ASB13: variants seen among roughly 807,000 people sequenced by gnomAD.
ASB13 encodes the protein ankyrin repeat and SOCS box protein 13.
Under a neutral mutation model 28.8 loss-of-function variants are expected in ASB13, and 33 were observed. The ratio of observed to expected loss-of-function variants is 1.15; its 90% CI spans 0.87 to 1.53. The LOEUF (loss-of-function observed/expected upper bound fraction) is 1.53, where lower values mean the gene tolerates loss of function less well. ASB13 is among the 40% of genes most tolerant of loss of function. ASB13 has a pLI of 0.00. For synonymous variants in ASB13, 182 were observed against 172.9 expected (o/e 1.05, Z -0.41); for missense variants, 414 against 390.1 (o/e 1.06, Z -0.52).
Position 5,640,482 on chromosome 10 carries a change from G to A in ASB13, c.*221C>T. On this transcript the variant is annotated 3_prime_UTR_variant, in exon 6 of 6. Coordinates refer to ENST00000357700, the MANE Select transcript of ASB13 (RefSeq NM_024701.4). ...GGGTAGGTTCTGTAGAACAGCGCAGGGCCACACCCACAACTGTGACCTGAG... is the reference window on the plus strand; with the variant it reads ...GGGTAGGTTCTGTAGAACAGCGCAGAGCCACACCCACAACTGTGACCTGAG... 1.8e-6 allele frequency: 1 copy of A among 563,932 alleles called. No homozygotes were observed. The allele number at this position is 563,932 out of a possible 1,614,324, so 34.9% of individuals were successfully genotyped here.
At position 5,641,746 on chromosome 10, in the gene ASB13, G is replaced by A; in HGVS notation, c.709+24C>T. ...CCAGGCTGAAGGCTGGAGGGGATGG[G>A]GTGCGCTCGGTGGGGTGTCTCACTT... On this transcript the variant is annotated intron_variant, in intron 5 of 5. Transcript: ENST00000357700. This position sits in a 1 kb window ranked among gnomAD's most constrained non-coding sequence, Gnocchi z 8.4. 1 of 1,547,528 alleles carries A rather than the reference G, an allele frequency of 6.5e-7. No homozygotes were observed. The highest frequency in any genetic ancestry group is 1.4e-5 in the African/African-American group (1 of 73,976).
At chr10:5,654,510 C>A (rs2131452530) in intron 1 of ASB13, among the ~76,000 whole-genome samples, 1 of 152,326 alleles carries the variant, frequency 6.6e-6, no homozygotes, top group South Asian at 2.1e-4. Flanking sequence ...CAGGTGCAGA[C>A]AAAAGCTCGC....
At position 5,644,510 on chromosome 10, in the gene ASB13, A is replaced by T. The variant is rs7899908; in HGVS notation, c.518-2549T>A. Among the ~76,000 whole-genome samples, 38,546 of 149,548 alleles carry T rather than the reference A, an allele frequency of 0.26. 5,678 individuals carry two copies. The highest frequency in any genetic ancestry group is 0.52 in the East Asian group (2,652 of 5,062). On this transcript the variant is annotated intron_variant, in intron 4 of 5. Transcript: ENST00000357700. This position sits in a 1 kb window ranked among gnomAD's most constrained non-coding sequence, Gnocchi z 5.1. ...GGCCCATAGTGAGAAAGAGAACATA[A>T]ACAGGTACTCGTTAGAGGAAAACAG... is the stretch of plus-strand genomic sequence containing the variant.
At chr10:5,666,092 G>C (rs1048289605) in intron 1 of ASB13, among the ~76,000 whole-genome samples, 2 of 152,182 alleles carry the variant, frequency 1.3e-5, no homozygotes, top group South Asian at 2.1e-4. Flanking sequence ...GCCAGTGGAG[G>C]GGGGTTTAGC....
At position 5,651,394 on chromosome 10, in the gene ASB13, G is replaced by A. The variant is rs571363727; in HGVS notation, c.232-31C>T. On this transcript the variant is annotated intron_variant, in intron 2 of 5. Transcript: ENST00000357700. This position sits in a 1 kb window ranked among gnomAD's most constrained non-coding sequence, Gnocchi z 5.1. ...GGGAGGAAGAAACAAGTGTCAAAGG[G>A]CAGAGAAATGCCACGCAACCCACTT... 1.4e-5 allele frequency: 21 copies of A among 1,549,798 alleles called. No individual in the cohort carries two copies. Among genetic ancestry groups the A allele is most frequent in the Non-Finnish European group, 1.8e-5 (21 of 1,142,958 alleles).
In ASB13 at chr10:5,640,633, C is replaced by G. The variant is rs1041703046; in HGVS notation, c.*70G>C. ...CAGCAATCACGCTGCTTCAGAGGAA[C>G]AGGCAGAGCCCTCACCCGGGCAATG... On this transcript the variant is annotated 3_prime_UTR_variant, in exon 6 of 6. Transcript: ENST00000357700. 1.3e-6 allele frequency: 2 copies of G among 1,592,954 alleles called. No homozygotes were observed. The highest frequency in any genetic ancestry group is 1.7e-5 in the Admixed American group (1 of 59,448).
rs1438409996 is a variant in ASB13, at chr10:5,642,519, C to T, written c.518-558G>A. 1 of 1,245,248 alleles carries T rather than the reference C, an allele frequency of 8.0e-7. No homozygotes were observed. Among genetic ancestry groups the T allele is most frequent in the Non-Finnish European group, 1.0e-6 (1 of 976,074 alleles). 77.1% of individuals were successfully genotyped at this position (1,245,248 alleles called of 1,614,324 possible). ...AGAAGAGAGTAAGCTCTGCACTCCTCAACTTTCTCACGATAAGAGCAGACA... is the reference window on the plus strand; with the variant it reads ...AGAAGAGAGTAAGCTCTGCACTCCTTAACTTTCTCACGATAAGAGCAGACA... On this transcript the variant is annotated intron_variant, in intron 4 of 5. Transcript: ENST00000357700. The surrounding 1 kb of genome is among the most constrained non-coding windows in gnomAD (Gnocchi z 4.1).
In ASB13 at chr10:5,656,729, T is replaced by C. The variant is rs1296886778; in HGVS notation, c.44-3679A>G. On this transcript the variant is annotated intron_variant, in intron 1 of 5. Coordinates refer to ENST00000357700, the MANE Select transcript of ASB13 (RefSeq NM_024701.4). The surrounding 1 kb of genome is among the most constrained non-coding windows in gnomAD (Gnocchi z 4.3). The stretch of plus-strand genomic sequence containing the variant: ...AGGAAAGCATGTAAACAACTAGCTA[T>C]GTTTTGTTAAAGATTTATAGGAGCA... 6.6e-6 allele frequency among the ~76,000 whole-genome samples: 1 copy of C among 152,240 alleles called. No individual in the cohort carries two copies. The highest frequency in any genetic ancestry group is 1.5e-5 in the Non-Finnish European group (1 of 68,046).
rs1416053656 is a variant in ASB13, at chr10:5,650,997, C to A, written c.382+216G>T. 3.3e-5 allele frequency among the ~76,000 whole-genome samples: 5 copies of A among 152,328 alleles called. No homozygotes were observed. On this transcript the variant is annotated intron_variant, in intron 3 of 5. Transcript: ENST00000357700. This position sits in a 1 kb window ranked among gnomAD's most constrained non-coding sequence, Gnocchi z 6.0. ...TGGACACAGAATCCTACCCTAGAGTCACCCACCCCAGCCCTGGACGAAGAC... is the reference window on the plus strand; with the variant it reads ...TGGACACAGAATCCTACCCTAGAGTAACCCACCCCAGCCCTGGACGAAGAC...
chr10:5,662,582 A>AGAAGG, intron 1 of ASB13, among the ~76,000 whole-genome samples: 1 of 131,016 alleles, frequency 7.6e-6, no homozygotes, highest in Non-Finnish European at 1.6e-5. Context: ...AGAAGAGAAG[A>AGAAGG]GAAGAGAAGA....
rs902984057 is a variant in ASB13 at position 5,659,321 on chromosome 10, C to A, written c.44-6271G>T. ...ACTGCTGCCACATAATAGGTTGCCC[C>A]CTCCCTAATGCAGATGATTGACAAG... is the stretch of plus-strand genomic sequence containing the variant. On this transcript the variant is annotated intron_variant, in intron 1 of 5. Coordinates refer to ENST00000357700, the MANE Select transcript of ASB13 (RefSeq NM_024701.4). This position sits in a 1 kb window ranked among gnomAD's most constrained non-coding sequence, Gnocchi z 5.8. Among the ~76,000 whole-genome samples the A allele has an allele frequency of 1.3e-5, 2 of 152,198 alleles. No homozygotes were observed. The highest frequency in any genetic ancestry group is 4.8e-5 in the African/African-American group (2 of 41,458).
At chr10:5,646,264 G>A (rs984302589) in intron 4 of ASB13, among the ~76,000 whole-genome samples, 1 of 152,170 alleles carries the variant, frequency 6.6e-6, no homozygotes, top group Non-Finnish European at 1.5e-5. Context: ...GAGCAGACCT[G>A]ACTTCAGCTC....
At position 5,653,046 on chromosome 10, in the gene ASB13, G is replaced by A. The variant is rs1227914185; in HGVS notation, c.48C>T (p.Phe16=). 5 of 1,540,732 alleles carry A rather than the reference G, an allele frequency of 3.2e-6. No individual in the cohort carries two copies. The highest frequency in any genetic ancestry group is 3.5e-6 in the Non-Finnish European group (4 of 1,140,144). Residue 16 remains phenylalanine (F), a synonymous_variant, in exon 2 of 6, where the codon TTC becomes TTT. Coordinates refer to ENST00000357700, the MANE Select transcript of ASB13 (RefSeq NM_024701.4). The stretch of plus-strand genomic sequence containing the variant: ...CGTGCACAGGGGTCCGCTCCACCCA[G>A]AAACCTGGAAAGGAAGGGGACCTCA... ...ADGCFLGDVG[F]WVERTPVHEA...
Position 5,641,935 on chromosome 10 carries a change from G to A in ASB13, c.544C>T (p.His182Tyr). The change falls in exon 5 of 6, where the codon CAT becomes TAT. Residue 182 changes from histidine (H) to tyrosine (Y), a missense_variant. By Grantham distance (83) the His-to-Tyr change is moderately conservative (BLOSUM62 2). Coordinates refer to ENST00000357700, the MANE Select transcript of ASB13 (RefSeq NM_024701.4). The surrounding 1 kb of genome is among the most constrained non-coding windows in gnomAD (Gnocchi z 8.4). ...GCCGCGTGGTGAAGGGCAGTCTCAT[G>A]AAGCTTTGCCGCATTCACGTTGGCC... ...AGANVNAAKL[H>Y]ETALHHAAKV... is the part of the protein sequence containing the mutation. 6.2e-7 allele frequency: 1 copy of A among 1,610,248 alleles called. No individual in the cohort carries two copies. Among genetic ancestry groups the A allele is most frequent in the Non-Finnish European group, 8.5e-7 (1 of 1,176,624 alleles).
At chr10:5,643,245 C>A (rs1309696893) in intron 4 of ASB13, among the ~76,000 whole-genome samples, 1 of 152,138 alleles carries the variant, frequency 6.6e-6, no homozygotes, top group Non-Finnish European at 1.5e-5. Context: ...CATCACTTCC[C>A]GACAGTCTCA....
intron 4 of ASB13, among the ~76,000 whole-genome samples, chr10:5,648,027 GTAAA>G: frequency 2.8e-5 from 3 of 107,972 alleles, no homozygotes. Context: ...ACCCACTCAG[GTAAA>G]CACCTACTCA....
Position 5,664,219 on chromosome 10 carries a change from C to A in ASB13, c.43+2290G>T, listed in dbSNP as rs916668729. Among the ~76,000 whole-genome samples, 1 of 151,960 alleles carries A rather than the reference C, an allele frequency of 6.6e-6. No individual in the cohort carries two copies. The highest frequency in any genetic ancestry group is 1.5e-5 in the Non-Finnish European group (1 of 68,000). On this transcript the variant is annotated intron_variant, in intron 1 of 5. Coordinates refer to ENST00000357700, the MANE Select transcript of ASB13 (RefSeq NM_024701.4). This position sits in a 1 kb window ranked among gnomAD's most constrained non-coding sequence, Gnocchi z 4.2. ...AATCCCCATAAACAACAGGAAGACA[C>A]CCCTGCCCCACCCCCACCCCGGCTT... is the stretch of plus-strand genomic sequence containing the variant.
chr10:5,644,268 C>T lies in ASB13; in HGVS notation c.518-2307G>A, dbSNP rs935871620. 7.8e-4 allele frequency among the ~76,000 whole-genome samples: 119 copies of T among 152,210 alleles called. No individual in the cohort carries two copies. The highest frequency in any genetic ancestry group is 2.6e-3 in the African/African-American group (107 of 41,518). Reference sequence around the variant, plus strand: ...CAGCACTTTGGGAATTCGAGGCGAGCGGATCTCTTGGGCCCAGGAAATCGA... The same window carrying T: ...CAGCACTTTGGGAATTCGAGGCGAGTGGATCTCTTGGGCCCAGGAAATCGA... On this transcript the variant is annotated intron_variant, in intron 4 of 5. Coordinates refer to ENST00000357700, the MANE Select transcript of ASB13 (RefSeq NM_024701.4). This position sits in a 1 kb window ranked among gnomAD's most constrained non-coding sequence, Gnocchi z 5.1.
intron 1 of ASB13, among the ~76,000 whole-genome samples, chr10:5,654,018 G>T (rs1835032243): frequency 6.6e-6 from 1 of 151,442 alleles, no homozygotes; most frequent in Non-Finnish European, 1.5e-5. Context: ...GCTCTGGCTA[G>T]GACTTGCAGT....
Sources: allele counts gnomAD v4.1 joint callset (sites outside exome capture counted in the v4.1 genomes callset), GRCh38; gene constraint gnomAD v4.1.1; non-coding constraint Gnocchi (gnomAD v3.1); transcripts MANE v1.5; gene names NCBI Gene and HGNC (gene_info 2026-07-23, HGNC 2026-07-21).